The following OR11H4 variants were observed in gnomAD, a reference collection of about 807,000 sequenced individuals.
OR11H4 encodes olfactory receptor 11H4.
For synonymous variants in OR11H4, 162 were observed against 142.3 expected, an observed-to-expected ratio of 1.14 and a Z score of -0.98; for missense variants, 460 against 371.1, an observed-to-expected ratio of 1.24 and a Z score of -1.97.
intron 1 of OR11H4, among the ~76,000 whole-genome samples, chr14:20,242,008 C>G (rs1423786253): frequency 2.0e-5 from 3 of 152,036 alleles, no homozygotes; most frequent in Non-Finnish European, 2.9e-5. Context: ...CAGAATTGAA[C>G]AAATGTACAA....
intron 1 of OR11H4, among the ~76,000 whole-genome samples, chr14:20,239,637 T>A (rs1345540116): frequency 3.3e-5 from 5 of 151,258 alleles, no homozygotes; most frequent in African/African-American, 2.4e-5. Context: ...GAGCTTGCAG[T>A]GAGCCGAGAT....
In OR11H4 at chr14:20,242,926, T is replaced by G; in HGVS notation, c.105T>G (p.Tyr35Ter). ...TCTTCTCATTGTTTTTGGTGATTTA[T>G]GTCTTGACCTTGCTGGGAAATGGAG... ...IFLFSLFLVI[Y>*]VLTLLGNGAI... The change falls in exon 2 of 2, where the codon TAT becomes TAG. Residue 35 changes from tyrosine (Y) to a stop codon, truncating the protein, a stop_gained. Coordinates refer to ENST00000641082, the MANE Select transcript of OR11H4 (RefSeq NM_001004479.2). LOFTEE classifies it low-confidence loss of function (END_TRUNC). The G allele has an allele frequency of 6.2e-7, 1 of 1,614,196 alleles. No homozygotes were observed. Among genetic ancestry groups the G allele is most frequent in the East Asian group, 2.2e-5 (1 of 44,888 alleles).
At chr14:20,242,752 A>C in intron 1 of OR11H4, 59 bp from the exon 2 acceptor site, 2 of 1,568,316 alleles carry the variant, frequency 1.3e-6, no homozygotes. Context: ...GATACGTAGC[A>C]AGCAATTGGA....
In OR11H4 at chr14:20,244,241, A is replaced by G. The variant is rs1201390297; in HGVS notation, c.*475A>G. 3 of 152,670 alleles carry G rather than the reference A, an allele frequency of 2.0e-5. No individual in the cohort carries two copies. Among genetic ancestry groups the G allele is most frequent in the Non-Finnish European group, 4.4e-5 (3 of 68,394 alleles). 9.5% of individuals were successfully genotyped at this position (152,670 alleles called of 1,614,324 possible). ...TACAACAATAATATGTGATTGTTGT[A>G]ATAAATTCAAGCAATTCAGAAGAAT... On this transcript the variant is annotated 3_prime_UTR_variant, in exon 2 of 2. Transcript: ENST00000641082.
chr14:20,242,861 C>G lies in OR11H4; in HGVS notation c.40C>G (p.Leu14Val). 1 of 1,614,098 alleles carries G rather than the reference C, an allele frequency of 6.2e-7. No individual in the cohort carries two copies. Among genetic ancestry groups the G allele is most frequent in the Non-Finnish European group, 8.5e-7 (1 of 1,179,948 alleles). The change falls in exon 2 of 2, where the codon CTC becomes GTC. Residue 14 changes from leucine (L) to valine (V), a missense_variant. Transcript: ENST00000641082. Reference protein sequence around the residue: ...SATHIVTEFILLGFPGCWKIQ... With the variant: ...SATHIVTEFIVLGFPGCWKIQ... ...AACACACATCGTGACAGAGTTTATT[C>G]TCCTGGGATTCCCTGGTTGCTGGAA... is the stretch of plus-strand genomic sequence containing the variant.
intron 1 of OR11H4, among the ~76,000 whole-genome samples, chr14:20,239,745 C>T (rs958237450): frequency 6.6e-6 from 1 of 151,708 alleles, no homozygotes; most frequent in Non-Finnish European, 1.5e-5. Flanking sequence ...GATTGTAGCT[C>T]AAATAATGAT....
chr14:20,243,541 C>G lies in OR11H4; in HGVS notation c.720C>G (p.Thr240=). ...CTGGTCGGAGAAAAGCCTTCTCTACCTGTGGTTCTCATTTGGTTGTGGTAT... is the reference window on the plus strand; with the variant it reads ...CTGGTCGGAGAAAAGCCTTCTCTACGTGTGGTTCTCATTTGGTTGTGGTAT... ...SAAGRRKAFS[T]CGSHLVVVSL... is the part of the protein sequence containing the mutation. Residue 240 remains threonine, a synonymous_variant, in exon 2 of 2, where the codon ACC becomes ACG. Transcript: ENST00000641082. The G allele has an allele frequency of 1.2e-6, 2 of 1,613,470 alleles. No individual in the cohort carries two copies. Among genetic ancestry groups the G allele is most frequent in the African/African-American group, 1.3e-5 (1 of 74,980 alleles).
intron 1 of OR11H4, among the ~76,000 whole-genome samples, chr14:20,240,630 T>G (rs963022848): frequency 3.4e-5 from 5 of 148,994 alleles, no homozygotes; most frequent in African/African-American, 1.2e-4. Flanking sequence ...CAGGCTGGAG[T>G]GCAATGGTGT....
At chr14:20,239,564 G>A (rs1290295057) in intron 1 of OR11H4, among the ~76,000 whole-genome samples, 4 of 152,148 alleles carry the variant, frequency 2.6e-5, no homozygotes, top group Admixed American at 2.0e-4. Flanking sequence ...CGTGATGGCG[G>A]GCGCCTATAG....
Position 20,241,723 on chromosome 14 carries a change from C to T in OR11H4, c.-11-1088C>T, listed in dbSNP as rs182117689. Among the ~76,000 whole-genome samples the T allele has an allele frequency of 3.3e-3, 501 of 152,112 alleles. 1 individual carries two copies. Among genetic ancestry groups the T allele is most frequent in the Non-Finnish European group, 6.0e-3 (407 of 67,994 alleles). On this transcript the variant is annotated intron_variant, in intron 1 of 1. Coordinates refer to ENST00000641082, the MANE Select transcript of OR11H4 (RefSeq NM_001004479.2). ...CTGCACCGGCACCGGCCTCTGAGTT[C>T]CCTCAGTTTTTATTGATTATTATAT...
intron 1 of OR11H4, among the ~76,000 whole-genome samples, chr14:20,242,290 A>G (rs1487946538): frequency 2.0e-5 from 3 of 152,072 alleles, no homozygotes; most frequent in African/African-American, 7.2e-5. Context: ...GTTTATTGAG[A>G]CTAGAGAATG....
intron 1 of OR11H4, among the ~76,000 whole-genome samples, chr14:20,241,811 A>AAAAAGCC (rs1566370720): frequency 6.6e-6 from 1 of 151,524 alleles, no homozygotes; most frequent in Non-Finnish European, 1.5e-5. Context: ...GAAGGTCAGC[A>AAAAAGCC]AAAAACATGT....
chr14:20,243,194 G>A lies in OR11H4; in HGVS notation c.373G>A (p.Ala125Thr). The A allele has an allele frequency of 1.9e-6, 3 of 1,614,106 alleles. No individual in the cohort carries two copies. The highest frequency in any genetic ancestry group is 1.1e-5 in the South Asian group (1 of 91,080). Residue 125 changes from alanine to threonine, a missense_variant, in exon 2 of 2, where the codon GCC (alanine) becomes ACC (threonine). Physicochemically the swap from Ala to Thr is moderately conservative, Grantham distance 58. Coordinates refer to ENST00000641082, the MANE Select transcript of OR11H4 (RefSeq NM_001004479.2). Reference sequence around the variant, plus strand: ...AGTAATGGCTTATGATCGATACCTGGCCATCTGCCACCCACTGCAGTACCC... The same window carrying A: ...AGTAATGGCTTATGATCGATACCTGACCATCTGCCACCCACTGCAGTACCC... ...LAVMAYDRYL[A>T]ICHPLQYPAI...
At chr14:20,240,612 C>G (rs144930217) in intron 1 of OR11H4, among the ~76,000 whole-genome samples, 1,550 of 148,416 alleles carry the variant, frequency 0.01, 29 homozygotes, top group African/African-American at 0.037. Context: ...GAGTCTCGCT[C>G]TGTCACCCAG....
chr14:20,241,071 T>C (rs1354332485), intron 1 of OR11H4, among the ~76,000 whole-genome samples: 1 of 152,158 alleles, frequency 6.6e-6, no homozygotes, highest in Non-Finnish European at 1.5e-5. Flanking sequence ...TTCTAATACA[T>C]AGGATTGCAG....
chr14:20,242,989 C>A lies in OR11H4; in HGVS notation c.168C>A (p.His56Gln). Reference sequence around the variant, plus strand: ...CAGTGAGATGCAACCCACTACTACACACCCCCATGTACTTTCTGCTGGGAA... The same window carrying A: ...CAGTGAGATGCAACCCACTACTACAAACCCCCATGTACTTTCTGCTGGGAA... ...IYAVRCNPLL[H>Q]TPMYFLLGNF... Residue 56 changes from histidine to glutamine, a missense_variant, in exon 2 of 2, where the codon CAC becomes CAA. His to Gln is a conservative substitution (Grantham distance 24). Coordinates refer to ENST00000641082, the MANE Select transcript of OR11H4 (RefSeq NM_001004479.2). 6.2e-7 allele frequency: 1 copy of A among 1,614,118 alleles called. No homozygotes were observed.
In OR11H4 at chr14:20,243,747, G is replaced by A. The variant is rs1188423592; in HGVS notation, c.926G>A (p.Arg309Lys). Residue 309 changes from arginine (R) to lysine (K), a missense_variant, in exon 2 of 2, where the codon AGA (arginine) becomes AAA (lysine). Coordinates refer to ENST00000641082, the MANE Select transcript of OR11H4 (RefSeq NM_001004479.2). ...LALRNVLFGM[R>K]IRQNS ...CTGAGAAATGTCCTGTTTGGAATGA[G>A]AATTCGTCAAAATTCGTGAGCCAAA... 4 of 1,577,144 alleles carry A rather than the reference G, an allele frequency of 2.5e-6. No individual in the cohort carries two copies. Among genetic ancestry groups the A allele is most frequent in the African/African-American group, 1.4e-5 (1 of 73,350 alleles).
Position 20,243,762 on chromosome 14 carries a change from C to T in OR11H4, c.941C>T (p.Ser314Leu), listed in dbSNP as rs200685446. The T allele has an allele frequency of 5.7e-6, 9 of 1,570,072 alleles. No individual in the cohort carries two copies. The highest frequency in any genetic ancestry group is 2.2e-5 in the East Asian group (1 of 44,480). Residue 314 changes from serine to leucine, a missense_variant, in exon 2 of 2, where the codon TCG becomes TTG. By Grantham distance (145) the Ser-to-Leu change is moderately radical (BLOSUM62 -2). Coordinates refer to ENST00000641082, the MANE Select transcript of OR11H4 (RefSeq NM_001004479.2). ...TTTGGAATGAGAATTCGTCAAAATT[C>T]GTGAGCCAAAGATGTGCCATACTTA... ...VLFGMRIRQNS is the reference protein window; with the variant it reads ...VLFGMRIRQNL
chr14:20,242,747 G>A (rs17108372), intron 1 of OR11H4, 64 bp from the exon 2 acceptor site: 63,619 of 1,559,886 alleles, frequency 0.041, 1,487 homozygotes, highest in Non-Finnish European at 0.047. Context: ...CTTGAGATAC[G>A]TAGCAAGCAA....
Sources: gnomAD v4.1 joint callset for allele counts (sites outside exome capture counted in the v4.1 genomes callset) on GRCh38, gnomAD v4.1.1 for gene constraint, MANE v1.5 for transcripts, NCBI Gene and HGNC (gene_info 2026-07-23, HGNC 2026-07-21) for gene names.